The following OR51B5 variants were observed in gnomAD, a reference collection of about 807,000 sequenced individuals.
The protein encoded by OR51B5 is olfactory receptor 51B5.
For missense variants in OR51B5, 456 were observed against 374.6 expected, an observed-to-expected ratio of 1.22 and a Z score of -1.79; for synonymous variants, 186 against 144.8, an observed-to-expected ratio of 1.28 and a Z score of -2.04.
intron 1 of OR51B5, among the ~76,000 whole-genome samples, chr11:5,412,960 T>C (rs1380536340): frequency 6.6e-6 from 1 of 152,100 alleles, no homozygotes; most frequent in Non-Finnish European, 1.5e-5. Flanking sequence ...AGCATGCAGC[T>C]GGAGATCTGA....
At chr11:5,443,896 A>G (rs1335721748) in intron 1 of OR51B5, among the ~76,000 whole-genome samples, 1 of 152,060 alleles carries the variant, frequency 6.6e-6, no homozygotes, top group African/African-American at 2.4e-5. Context: ...CAAAGGTACC[A>G]GAAAAATATA....
chr11:5,410,135 G>C (rs1474650636), intron 1 of OR51B5, among the ~76,000 whole-genome samples: 1 of 152,038 alleles, frequency 6.6e-6, no homozygotes, highest in Non-Finnish European at 1.5e-5. Context: ...AAGTTCTTTA[G>C]TCAAAAGGAA....
intron 1 of OR51B5, chr11:5,422,978 G>A: frequency 1.2e-6 from 2 of 1,614,116 alleles, no homozygotes; most frequent in Non-Finnish European, 8.5e-7. Context: ...CATGGTTGGT[G>A]TATCTATGAC....
intron 1 of OR51B5, chr11:5,390,495 A>G: frequency 1.2e-6 from 1 of 833,288 alleles, no homozygotes; most frequent in South Asian, 2.1e-5. Context: ...TGTCCTAAAT[A>G]AAATATGGGC....
At chr11:5,351,883 AG>A in intron 1 of OR51B5, 1 of 1,613,264 alleles carries the variant, frequency 6.2e-7, no homozygotes, top group Non-Finnish European at 8.5e-7. Flanking sequence ...TACCATCCGC[AG>A]CCCCTTAAGA....
intron 1 of OR51B5, among the ~76,000 whole-genome samples, chr11:5,429,956 C>G (rs1850511632): frequency 6.6e-6 from 1 of 152,140 alleles, no homozygotes; most frequent in Non-Finnish European, 1.5e-5. Context: ...GCTGTTCATT[C>G]TCAGAGTGTC....
intron 1 of OR51B5, among the ~76,000 whole-genome samples, chr11:5,398,071 G>A (rs546694381): frequency 1.2e-4 from 18 of 152,244 alleles, no homozygotes; most frequent in African/African-American, 3.9e-4. Flanking sequence ...GGAGGGGGCA[G>A]GGATAGCATT....
chr11:5,385,174 G>A (rs1006502320), intron 1 of OR51B5, among the ~76,000 whole-genome samples: 1 of 152,178 alleles, frequency 6.6e-6, no homozygotes, highest in African/African-American at 2.4e-5. Flanking sequence ...GTAATTAGAT[G>A]TAACTGACTG....
intron 1 of OR51B5, among the ~76,000 whole-genome samples, chr11:5,376,101 TAACA>T (rs1849523954): frequency 6.6e-6 from 1 of 152,012 alleles, no homozygotes; most frequent in Non-Finnish European, 1.5e-5. Flanking sequence ...ACAGAAATTA[TAACA>T]AACTGTCTCT....
intron 1 of OR51B5, chr11:5,402,709 A>G: frequency 2.1e-6 from 1 of 471,302 alleles, no homozygotes; most frequent in South Asian, 1.5e-5. Context: ...TCCCTGATAT[A>G]CATCATCATT....
chr11:5,485,476 T>A (rs867458455), intron 1 of OR51B5, among the ~76,000 whole-genome samples: 1 of 152,288 alleles, frequency 6.6e-6, no homozygotes, highest in Middle Eastern at 3.4e-3. Flanking sequence ...AGCAATGAAT[T>A]TGAGCCTGAA....
At chr11:5,382,566 G>A (rs1023849992) in intron 1 of OR51B5, among the ~76,000 whole-genome samples, 2 of 152,144 alleles carry the variant, frequency 1.3e-5, no homozygotes, top group African/African-American at 2.4e-5. Context: ...CAGTGAAATA[G>A]GCTAAAATCA....
At chr11:5,469,044 C>T (rs1851183314) in intron 1 of OR51B5, 1 of 279,772 alleles carries the variant, frequency 3.6e-6, no homozygotes. Flanking sequence ...TTACAGATGG[C>T]CACATAGTGG....
At position 5,500,946 on chromosome 11, in the gene OR51B5, T is replaced by G. The variant is rs1846283439; in HGVS notation, n.84+4623A>C. Reference sequence around the variant, plus strand: ...CTCTGCCATTATTTTAGGTTGACACTAGGCAGCATTGCCTGTGATAGAAAT... The same window carrying G: ...CTCTGCCATTATTTTAGGTTGACACGAGGCAGCATTGCCTGTGATAGAAAT... On this transcript the variant is annotated intron_variant and non_coding_transcript_variant, in intron 1 of 4. Coordinates refer to the OR51B5 transcript ENST00000415970. Among the ~76,000 whole-genome samples the G allele has an allele frequency of 2.0e-5, 3 of 148,410 alleles. 1 individual carries two copies. The highest frequency in any genetic ancestry group is 7.3e-5 in the African/African-American group (3 of 41,232).
chr11:5,504,270 G>A (rs775497819), intron 1 of OR51B5, among the ~76,000 whole-genome samples: 1 of 152,082 alleles, frequency 6.6e-6, no homozygotes, highest in African/African-American at 2.4e-5. Flanking sequence ...CTTAACTGCC[G>A]TCTACTTTCC....
At chr11:5,486,793 T>A (rs569944245) in intron 1 of OR51B5, among the ~76,000 whole-genome samples, 1 of 152,270 alleles carries the variant, frequency 6.6e-6, no homozygotes, top group African/African-American at 2.4e-5. Context: ...GTCTCATAAC[T>A]TCCTAAACAC....
intron 1 of OR51B5, chr11:5,403,611 C>A: frequency 2.4e-6 from 1 of 417,318 alleles, no homozygotes. Context: ...TAACAGGTGG[C>A]CCTAGATTGC....
At chr11:5,421,970 T>A in intron 1 of OR51B5, 3 of 491,120 alleles carry the variant, frequency 6.1e-6, no homozygotes, top group Non-Finnish European at 1.1e-5. Context: ...TGAATTAATA[T>A]ATATTCCGTC....
At chr11:5,481,515 T>C (rs1035287975) in intron 1 of OR51B5, among the ~76,000 whole-genome samples, 2 of 145,582 alleles carry the variant, frequency 1.4e-5, no homozygotes, top group African/African-American at 2.7e-5. Flanking sequence ...CCAGGGCAAT[T>C]AGGCAGGAGA....
Sources: gnomAD v4.1 joint callset for allele counts (sites outside exome capture counted in the v4.1 genomes callset) on GRCh38, gnomAD v4.1.1 for gene constraint, MANE v1.5 for transcripts, NCBI Gene and HGNC (gene_info 2026-07-23, HGNC 2026-07-21) for gene names.